PDE1B: variants seen among roughly 807,000 people sequenced by gnomAD.
PDE1B encodes dual specificity calcium/calmodulin-dependent 3',5'-cyclic nucleotide phosphodiesterase 1B.
Under a neutral mutation model 66.7 loss-of-function variants are expected in PDE1B, and 13 were observed. That is an observed-to-expected ratio of 0.19 (90% CI 0.13 to 0.31). The LOEUF is 0.31. Among genes scored for constraint, PDE1B ranks in the 10% least tolerant of loss-of-function variants. The pLI, the probability that PDE1B is intolerant of heterozygous loss-of-function variation, is 1.00. For missense variants in PDE1B, 485 were observed against 682.3 expected (o/e 0.71, Z 3.22); for synonymous variants, 230 against 253.9 (o/e 0.91, Z 0.90).
intron 2 of PDE1B, among the ~76,000 whole-genome samples, chr12:54,555,840 C>G (rs900380638): frequency 2.8e-4 from 43 of 152,300 alleles, no homozygotes; most frequent in Non-Finnish European, 5.9e-4. Context: ...CCCACTTCCT[C>G]TCTCTGTCCC....
chr12:54,575,737 T>G lies in PDE1B; in HGVS notation c.1267+105T>G. 1 of 908,664 alleles carries G rather than the reference T, an allele frequency of 1.1e-6. No homozygotes were observed. The highest frequency in any genetic ancestry group is 1.8e-6 in the Non-Finnish European group (1 of 554,084). 56.3% of individuals were successfully genotyped at this position (908,664 alleles called of 1,614,324 possible). On this transcript the variant is annotated intron_variant, in intron 12 of 15. Coordinates refer to ENST00000243052, the MANE Select transcript of PDE1B (RefSeq NM_000924.4). The surrounding 1 kb of genome is among the most constrained non-coding windows in gnomAD (Gnocchi z 4.0). ...CAATCCCCCCAAACCATTCTTCCTG[T>G]AGAGGAAAGCCTACTGTGCTAGAGC... is the stretch of plus-strand genomic sequence containing the variant.
Position 54,573,129 on chromosome 12 carries a change from T to C in PDE1B, c.736-19T>C, listed in dbSNP as rs955810826. 1.9e-6 allele frequency: 3 copies of C among 1,595,666 alleles called. No homozygotes were observed. The highest frequency in any genetic ancestry group is 2.6e-6 in the Non-Finnish European group (3 of 1,163,222). ...AGCAGGCGTCACCCCTCTCTCATTC[T>C]TTCTCTTTCCTCCTGTAGCACTGCC... On this transcript the variant is annotated intron_variant, in intron 7 of 15. Transcript: ENST00000243052. This position sits in a 1 kb window ranked among gnomAD's most constrained non-coding sequence, Gnocchi z 5.2.
At chr12:54,552,571 T>C (rs1424974443) in intron 2 of PDE1B, among the ~76,000 whole-genome samples, 1 of 152,320 alleles carries the variant, frequency 6.6e-6, no homozygotes, top group East Asian at 1.9e-4. Context: ...CCCACACTAA[T>C]ATAATAGTGC....
At position 54,578,844 on chromosome 12, in the gene PDE1B, G is replaced by A. The variant is rs1957816088; in HGVS notation, c.*1002G>A. ...ACGTCCCAGAACTGGCCCAGCTGCA[G>A]GCACTAAGAAGCTCCTCCCCTGAGA... On this transcript the variant is annotated 3_prime_UTR_variant, in exon 16 of 16. Coordinates refer to ENST00000243052, the MANE Select transcript of PDE1B (RefSeq NM_000924.4). The A allele has an allele frequency of 6.6e-6, 1 of 152,608 alleles. No individual in the cohort carries two copies. The highest frequency in any genetic ancestry group is 1.5e-5 in the Non-Finnish European group (1 of 68,420). 9.5% of individuals were successfully genotyped at this position (152,608 alleles called of 1,614,324 possible).
chr12:54,570,120 C>T, intron 5 of PDE1B, 121 bp from the exon 6 acceptor site: 1 of 682,088 alleles, frequency 1.5e-6, no homozygotes, highest in Non-Finnish European at 2.7e-6. Flanking sequence ...AAGAGGCACA[C>T]TTTACCATTT....
At chr12:54,565,409 G>T (rs1191228585) in intron 2 of PDE1B, among the ~76,000 whole-genome samples, 1 of 152,214 alleles carries the variant, frequency 6.6e-6, no homozygotes, top group Admixed American at 6.5e-5. Context: ...GTGATCTCTG[G>T]GCGGGGTACT....
rs926244227 is a variant in PDE1B, at chr12:54,579,068, T to C, written c.*1226T>C. 6.0e-6 allele frequency: 1 copy of C among 167,012 alleles called. No individual in the cohort carries two copies. The highest frequency in any genetic ancestry group is 6.5e-5 in the Admixed American group (1 of 15,302). The allele number at this position is 167,012 out of a possible 1,614,324, so 10.3% of individuals were successfully genotyped here. ...CTTGTAAATACCAACCATGCATTTG[T>C]ACAGTGGGCCCTGTTCATGCGAAAT... On this transcript the variant is annotated 3_prime_UTR_variant, in exon 16 of 16. Coordinates refer to ENST00000243052, the MANE Select transcript of PDE1B (RefSeq NM_000924.4).
At position 54,575,498 on chromosome 12, in the gene PDE1B, C is replaced by A; in HGVS notation, c.1186-53C>A. The A allele has an allele frequency of 7.7e-7, 1 of 1,293,836 alleles. No individual in the cohort carries two copies. The highest frequency in any genetic ancestry group is 1.1e-6 in the Non-Finnish European group (1 of 888,388). 80.1% of individuals were successfully genotyped at this position (1,293,836 alleles called of 1,614,324 possible). On this transcript the variant is annotated intron_variant, in intron 11 of 15. Transcript: ENST00000243052. This position sits in a 1 kb window ranked among gnomAD's most constrained non-coding sequence, Gnocchi z 4.0. ...ACCACTTGCCACCTGTACCCCAGATCTGGTAGGTCTGAGGTATCCTCTCCA... is the reference window on the plus strand; with the variant it reads ...ACCACTTGCCACCTGTACCCCAGATATGGTAGGTCTGAGGTATCCTCTCCA...
At chr12:54,561,074 G>C (rs1032478228) in intron 2 of PDE1B, among the ~76,000 whole-genome samples, 1 of 152,074 alleles carries the variant, frequency 6.6e-6, no homozygotes, top group African/African-American at 2.4e-5. Context: ...TCGTTTTGAA[G>C]AATGGCCCCA....
chr12:54,566,885 T>G, intron 2 of PDE1B, 89 bp from the exon 3 acceptor site: 1 of 565,530 alleles, frequency 1.8e-6, no homozygotes, highest in Non-Finnish European at 3.2e-6. Context: ...CTGAGGATGT[T>G]TCTGTAAAAT....
At chr12:54,566,261 G>A (rs1339261985) in intron 2 of PDE1B, among the ~76,000 whole-genome samples, 4 of 152,224 alleles carry the variant, frequency 2.6e-5, no homozygotes, top group African/African-American at 7.2e-5. Flanking sequence ...AGTGGGGACA[G>A]AGGCAGGGGA....
chr12:54,573,980 G>T lies in PDE1B; in HGVS notation c.1064+271G>T. The T allele has an allele frequency of 2.1e-6, 1 of 476,372 alleles. No homozygotes were observed. The highest frequency in any genetic ancestry group is 3.6e-5 in the Admixed American group (1 of 27,586). The allele number at this position is 476,372 out of a possible 1,614,324, so 29.5% of individuals were successfully genotyped here. ...GTGCTTTGGGCTGGGAATCTAAGAT[G>T]GGGGTTCTCATCGTAGCTCTGGGAC... On this transcript the variant is annotated intron_variant, in intron 10 of 15. Transcript: ENST00000243052. The surrounding 1 kb of genome is among the most constrained non-coding windows in gnomAD (Gnocchi z 5.2).
At position 54,575,601 on chromosome 12, in the gene PDE1B, C is replaced by T; in HGVS notation, c.1236C>T (p.Arg412=). 1 of 1,613,104 alleles carries T rather than the reference C, an allele frequency of 6.2e-7. No individual in the cohort carries two copies. The highest frequency in any genetic ancestry group is 1.3e-5 in the African/African-American group (1 of 75,008). The part of the protein sequence containing the change: ...LGLPFSPLCD[R]TSTLVAQSQI... ...TGCCCTTTTCTCCACTCTGTGACCG[C>T]ACTTCCACTCTAGTGGCACAGTCTC... Residue 412 remains arginine, a synonymous_variant, in exon 12 of 16, where the codon CGC becomes CGT. Coordinates refer to ENST00000243052, the MANE Select transcript of PDE1B (RefSeq NM_000924.4). This position sits in a 1 kb window ranked among gnomAD's most constrained non-coding sequence, Gnocchi z 4.0.
At chr12:54,563,760 A>G (rs1392260152) in intron 2 of PDE1B, among the ~76,000 whole-genome samples, 2 of 152,212 alleles carry the variant, frequency 1.3e-5, no homozygotes, top group African/African-American at 2.4e-5. Flanking sequence ...GTTTATTATC[A>G]TCCTTACCAC....
chr12:54,567,863 T>TA lies in PDE1B; in HGVS notation c.227+776_227+777insA, dbSNP rs200473513. Among the ~76,000 whole-genome samples the TA allele has an allele frequency of 2.0e-3, 287 of 144,580 alleles. 10 individuals are homozygous for TA. In the East Asian group the frequency reaches 0.044, roughly 22 times the overall value. The allele number at this position is 144,580 out of a possible 152,430, so 94.9% of individuals were successfully genotyped here. On this transcript the variant is annotated intron_variant, in intron 3 of 15. Coordinates refer to ENST00000243052, the MANE Select transcript of PDE1B (RefSeq NM_000924.4). The stretch of plus-strand genomic sequence containing the variant: ...AGATATTCATATATATATATATATA[T>TA]TTTTTTGTTTTGAGACAGAGTTTAC...
chr12:54,561,662 A>C (rs1213677434), intron 2 of PDE1B: 1 of 1,513,260 alleles, frequency 6.6e-7, no homozygotes, highest in Non-Finnish European at 8.9e-7. Flanking sequence ...TGAGAAGAGG[A>C]AGGGGGAGGA....
intron 2 of PDE1B, among the ~76,000 whole-genome samples, chr12:54,558,142 G>A (rs1029117033): frequency 1.3e-5 from 2 of 152,124 alleles, no homozygotes; most frequent in Non-Finnish European, 2.9e-5. Context: ...AGGCACAGGA[G>A]GAGTCTGAAA....
chr12:54,563,529 C>T (rs886131991), intron 2 of PDE1B, among the ~76,000 whole-genome samples: 2 of 152,174 alleles, frequency 1.3e-5, no homozygotes, highest in African/African-American at 4.8e-5. Context: ...TTCCTAATTA[C>T]CAGCCTCAAT....
intron 2 of PDE1B, chr12:54,561,778 G>GTC (rs1957419545): frequency 1.9e-6 from 1 of 521,530 alleles, no homozygotes; most frequent in Non-Finnish European, 3.4e-6. Context: ...GTGTGTGTGT[G>GTC]TGTGCGCGTG....
Sources: allele counts gnomAD v4.1 joint callset (sites outside exome capture counted in the v4.1 genomes callset), GRCh38; gene constraint gnomAD v4.1.1; non-coding constraint Gnocchi (gnomAD v3.1); transcripts MANE v1.5; gene names NCBI Gene and HGNC (gene_info 2026-07-23, HGNC 2026-07-21).